The following FGF12 variants were observed in gnomAD, a reference collection of about 807,000 sequenced individuals.
FGF12 encodes the protein fibroblast growth factor 12.
FGF12 carries 14 observed loss-of-function variants against 23.6 expected under a neutral mutation model. The observed-to-expected ratio is 0.59, with a 90% confidence interval of 0.39 to 0.93. The LOEUF (loss-of-function observed/expected upper bound fraction) is 0.93. Ranked by LOEUF, FGF12 falls within the 40% of genes least tolerant of loss-of-function variation. The pLI is 0.00. For missense variants in FGF12, 175 were observed against 217.8 expected (o/e 0.80, Z 1.24); for synonymous variants, 62 against 77.3 (o/e 0.80, Z 1.04).
At chr3:192,725,022 G>A (rs183151187) in intron 2 of FGF12, among the ~76,000 whole-genome samples, 384 of 152,284 alleles carry the variant, frequency 2.5e-3, no homozygotes, top group Non-Finnish European at 3.7e-3. Context: ...TCTGTTGGGG[G>A]AAGAAGTTTG....
chr3:192,302,814 G>C (rs1449184760), intron 4 of FGF12, among the ~76,000 whole-genome samples: 1 of 152,196 alleles, frequency 6.6e-6, no homozygotes, highest in Non-Finnish European at 1.5e-5. Context: ...GGAGTGAACA[G>C]GAGTTAGCTA....
chr3:192,705,771 T>G (rs1718448373), intron 2 of FGF12, among the ~76,000 whole-genome samples: 1 of 152,234 alleles, frequency 6.6e-6, no homozygotes, highest in South Asian at 2.1e-4. Flanking sequence ...AGCTTCAATA[T>G]GCGACGCATG....
At chr3:192,585,617 T>C (rs1326182083) in intron 2 of FGF12, among the ~76,000 whole-genome samples, 1 of 152,004 alleles carries the variant, frequency 6.6e-6, no homozygotes, top group Non-Finnish European at 1.5e-5. Context: ...GACCCAATTT[T>C]TTTCTCCCCA....
intron 2 of FGF12, among the ~76,000 whole-genome samples, chr3:192,706,437 G>A (rs930583981): frequency 7.2e-5 from 11 of 151,968 alleles, no homozygotes; most frequent in Non-Finnish European, 1.6e-4. Context: ...CCGACTGACC[G>A]CCGAACAGCA....
At chr3:192,392,212 A>T (rs558154657) in intron 2 of FGF12, among the ~76,000 whole-genome samples, 1 of 152,154 alleles carries the variant, frequency 6.6e-6, no homozygotes, top group Non-Finnish European at 1.5e-5. Context: ...TTGGGGAAAC[A>T]TCATTTTATA....
rs1009724960 is a variant in FGF12 at position 192,306,939 on chromosome 3, T to C, written c.228+28422A>G. On this transcript the variant is annotated intron_variant, in intron 4 of 5. Coordinates refer to ENST00000445105, the MANE Select transcript of FGF12 (RefSeq NM_004113.6). The stretch of plus-strand genomic sequence containing the variant: ...TATTATTTACTTGTTCCTTTATTTA[T>C]TTAAAAATATTTATTTACTTAAAAT... Among the ~76,000 whole-genome samples the C allele has an allele frequency of 3.3e-5, 5 of 152,304 alleles. No individual in the cohort carries two copies. The East Asian group carries it at 9.6e-4, about 29-fold the overall frequency.
chr3:192,511,474 G>A (rs2108839711), intron 2 of FGF12, among the ~76,000 whole-genome samples: 1 of 152,268 alleles, frequency 6.6e-6, no homozygotes, highest in African/African-American at 2.4e-5. Context: ...TACATTTTGA[G>A]AGGAATGGGA....
intron 2 of FGF12, among the ~76,000 whole-genome samples, chr3:192,711,328 T>C (rs1718666224): frequency 6.8e-6 from 1 of 147,232 alleles, no homozygotes; most frequent in South Asian, 2.2e-4. Context: ...ATCCGGGAGG[T>C]GGGGGGCATC....
At chr3:192,206,463 G>A (rs1367416682) in intron 4 of FGF12, among the ~76,000 whole-genome samples, 1 of 152,186 alleles carries the variant, frequency 6.6e-6, no homozygotes. Context: ...GTAATGACAG[G>A]AAGAACAAAA....
chr3:192,155,713 G>C (rs1714376244), intron 5 of FGF12, among the ~76,000 whole-genome samples: 1 of 152,090 alleles, frequency 6.6e-6, no homozygotes, highest in South Asian at 2.1e-4. Context: ...CTAGAATTTG[G>C]AGTTCTGCTA....
At chr3:192,603,195 A>G (rs931348593) in intron 2 of FGF12, among the ~76,000 whole-genome samples, 3 of 152,200 alleles carry the variant, frequency 2.0e-5, no homozygotes, top group African/African-American at 7.2e-5. Flanking sequence ...GCAGTCGGAC[A>G]AGAGAAAGAA....
intron 4 of FGF12, among the ~76,000 whole-genome samples, chr3:192,316,850 AAGGAAAGAAC>A (rs1716251636): frequency 6.6e-6 from 1 of 152,148 alleles, no homozygotes; most frequent in African/African-American, 2.4e-5. Context: ...CCTTCTGCTT[AAGGAAAGAAC>A]AGGGGAGAGT....
chr3:192,317,855 C>A (rs983634738), intron 4 of FGF12, among the ~76,000 whole-genome samples: 4 of 152,084 alleles, frequency 2.6e-5, no homozygotes, highest in Admixed American at 6.5e-5. Flanking sequence ...GTGTCATCTA[C>A]CTCCAGCTCC....
At chr3:192,419,799 C>T (rs1167824916) in intron 2 of FGF12, among the ~76,000 whole-genome samples, 1 of 152,046 alleles carries the variant, frequency 6.6e-6, no homozygotes, top group Non-Finnish European at 1.5e-5. Flanking sequence ...GAGATAGTCA[C>T]GGAAAGCACA....
chr3:192,605,243 G>A (rs1714288158), intron 2 of FGF12, among the ~76,000 whole-genome samples: 1 of 151,998 alleles, frequency 6.6e-6, no homozygotes, highest in Admixed American at 6.6e-5. Context: ...TTGGCATAGT[G>A]GCACACACTT....
At chr3:192,471,133 G>A (rs1723161861) in intron 2 of FGF12, among the ~76,000 whole-genome samples, 1 of 152,182 alleles carries the variant, frequency 6.6e-6, no homozygotes, top group South Asian at 2.1e-4. Context: ...ACCAGTACTA[G>A]GAACGGTGCC....
chr3:192,162,389 G>C (rs186691710), intron 5 of FGF12, among the ~76,000 whole-genome samples: 3 of 151,978 alleles, frequency 2.0e-5, no homozygotes, highest in South Asian at 2.1e-4. Context: ...CTGTATGTTC[G>C]TTTAGAAAGA....
intron 2 of FGF12, among the ~76,000 whole-genome samples, chr3:192,479,108 C>T (rs529073021): frequency 5.9e-5 from 9 of 152,274 alleles, no homozygotes; most frequent in African/African-American, 2.2e-4. Context: ...TCTTTTAGTT[C>T]TTCTTTTTCT....
intron 2 of FGF12, among the ~76,000 whole-genome samples, chr3:192,676,397 G>A (rs535260471): frequency 3.9e-5 from 6 of 152,300 alleles, no homozygotes; most frequent in South Asian, 2.1e-4. Context: ...CCTTAAAATC[G>A]TGTCTGAGTC....
Sources: allele counts gnomAD v4.1 joint callset (sites outside exome capture counted in the v4.1 genomes callset), GRCh38; gene constraint gnomAD v4.1.1; transcripts MANE v1.5; gene names NCBI Gene and HGNC (gene_info 2026-07-23, HGNC 2026-07-21).